Variants in KDM4B observed in about 807,000 individuals in gnomAD.
KDM4B encodes the protein lysine demethylase 4B, also known as lysine-specific demethylase 4B.
Under a neutral mutation model 125.2 loss-of-function variants are expected in KDM4B, and 32 were observed. That is an observed-to-expected ratio of 0.26 (90% CI 0.19 to 0.34). The LOEUF (loss-of-function observed/expected upper bound fraction) is 0.34, where lower values mean the gene tolerates loss of function less well. Ranked by LOEUF, KDM4B falls within the 10% of genes least tolerant of loss-of-function variation. KDM4B has a pLI of 1.00. For missense variants in KDM4B, 1,190 were observed against 1,577.7 expected (o/e 0.75, Z 4.16); for synonymous variants, 721 against 677.9 (o/e 1.06, Z -0.99).
chr19:5,041,200 C>G lies in KDM4B; in HGVS notation c.381C>G (p.Thr127=). The G allele has an allele frequency of 6.2e-7, 1 of 1,613,354 alleles. No individual in the cohort carries two copies. Among genetic ancestry groups the G allele is most frequent in the Non-Finnish European group, 8.5e-7 (1 of 1,179,460 alleles). The change falls in exon 5 of 23, where the codon ACC becomes ACG. Residue 127 remains threonine, a synonymous_variant. Transcript: ENST00000159111. Reference sequence around the variant, plus strand: ...AACGCAAATACTGGAAGAACCTCACCTTTGTCTCCCCGATCTACGGGGCTG... The same window carrying G: ...AACGCAAATACTGGAAGAACCTCACGTTTGTCTCCCCGATCTACGGGGCTG... ...DLERKYWKNL[T]FVSPIYGADI...
At chr19:5,036,869 G>T (rs1383660244) in intron 3 of KDM4B, among the ~76,000 whole-genome samples, 10 of 152,248 alleles carry the variant, frequency 6.6e-5, no homozygotes, top group African/African-American at 2.4e-4. Flanking sequence ...GAGCCTTCGG[G>T]TTTGAGCCCA....
rs530980376 is a variant in KDM4B at position 5,113,966 on chromosome 19, A to G, written c.1115+3148A>G. 10 of 1,235,582 alleles carry G rather than the reference A, an allele frequency of 8.1e-6. No homozygotes were observed. The East Asian group carries it at 1.7e-4, about 21-fold the overall frequency. The allele number at this position is 1,235,582 out of a possible 1,614,324, so 76.5% of individuals were successfully genotyped here. On this transcript the variant is annotated intron_variant, in intron 10 of 22. Coordinates refer to ENST00000159111, the MANE Select transcript of KDM4B (RefSeq NM_015015.3). ...GCCTACTCCCTGCTCGCCACCTTAC[A>G]TGGGTCTCTTCCAGAACTAAATCTC...
At chr19:5,066,882 G>T (rs1359277426) in intron 6 of KDM4B, among the ~76,000 whole-genome samples, 1 of 152,218 alleles carries the variant, frequency 6.6e-6, no homozygotes, top group Non-Finnish European at 1.5e-5. Flanking sequence ...TTGAGAACAC[G>T]GAGATGGAGA....
intron 9 of KDM4B, among the ~76,000 whole-genome samples, chr19:5,103,404 C>A (rs1023166827): frequency 6.6e-6 from 1 of 152,192 alleles, no homozygotes; most frequent in Non-Finnish European, 1.5e-5. Context: ...AACCAGCAGC[C>A]CCGCCCGCTT....
At chr19:5,030,879 A>G (rs1270464816) in intron 2 of KDM4B, among the ~76,000 whole-genome samples, 1 of 152,238 alleles carries the variant, frequency 6.6e-6, no homozygotes, top group East Asian at 1.9e-4. Context: ...TGGCAGATCC[A>G]GGGATGGCCT....
rs143420598 is a variant in KDM4B at position 5,099,889 on chromosome 19, T to C, written c.919-10733T>C. Among the ~76,000 whole-genome samples the C allele has an allele frequency of 6.5e-3, 996 of 152,182 alleles. 9 individuals are homozygous for C. Among genetic ancestry groups the C allele is most frequent in the South Asian group, 0.03 (144 of 4,826 alleles). On this transcript the variant is annotated intron_variant, in intron 9 of 22. Coordinates refer to ENST00000159111, the MANE Select transcript of KDM4B (RefSeq NM_015015.3). ...TTCCAGCCTCCAGAACCTTGAGAAA[T>C]AAGGAAAGGGCAGAATTTGAAAATG...
At chr19:5,040,196 G>A (rs2036762962) in intron 4 of KDM4B, among the ~76,000 whole-genome samples, 185 bp downstream of exon 4, 1 of 152,114 alleles carries the variant, frequency 6.6e-6, no homozygotes, top group South Asian at 2.1e-4. Flanking sequence ...CTCCCGGCCT[G>A]GGCTGACCCA....
intron 2 of KDM4B, among the ~76,000 whole-genome samples, chr19:5,032,000 A>G (rs960822528): frequency 1.3e-5 from 2 of 152,084 alleles, no homozygotes; most frequent in South Asian, 4.1e-4. Context: ...TCCTAGAGGG[A>G]TTCTGTCGTC....
chr19:5,082,493 G>T lies in KDM4B; in HGVS notation c.907G>T (p.Val303Leu), dbSNP rs549094770. 6.2e-7 allele frequency: 1 copy of T among 1,602,966 alleles called. No homozygotes were observed. Among genetic ancestry groups the T allele is most frequent in the African/African-American group, 1.3e-5 (1 of 74,894 alleles). ...ATLRWIDYGK[V>L]ATQCTCRKDM... The stretch of plus-strand genomic sequence containing the variant: ...CCTGCGGTGGATTGACTACGGCAAA[G>T]TGGCCACTCAGGTAAAAGCTTGCCT... The change falls in exon 9 of 23, where the codon GTG becomes TTG. Residue 303 changes from valine (V) to leucine (L), a missense_variant. This residue lies in a region of KDM4B where 75 missense variants were observed against 218.2 expected (regional missense o/e 0.34). Transcript: ENST00000159111. This position sits in a 1 kb window ranked among gnomAD's most constrained non-coding sequence, Gnocchi z 5.4.
intron 6 of KDM4B, among the ~76,000 whole-genome samples, chr19:5,057,065 T>TGTGTGCGTGTGC (rs55806859): frequency 7.8e-6 from 1 of 128,322 alleles, no homozygotes; most frequent in African/African-American, 3.2e-5. Context: ...TGTGTGTGTG[T>TGTGTGCGTGTGC]GCGCGCGCGC....
At chr19:5,021,326 T>C (rs1243623085) in intron 2 of KDM4B, among the ~76,000 whole-genome samples, 4 of 152,040 alleles carry the variant, frequency 2.6e-5, no homozygotes. Context: ...TGGCAGCTCA[T>C]GCCTGTAACC....
chr19:4,986,023 C>T (rs567632272), intron 1 of KDM4B, among the ~76,000 whole-genome samples: 1 of 152,344 alleles, frequency 6.6e-6, no homozygotes, highest in East Asian at 1.9e-4. Context: ...CTCTTTTAGC[C>T]TGAGCTGAAA....
intron 10 of KDM4B, among the ~76,000 whole-genome samples, chr19:5,111,171 A>G (rs1039430287): frequency 6.6e-6 from 1 of 152,186 alleles, no homozygotes; most frequent in Non-Finnish European, 1.5e-5. Flanking sequence ...CAGCAGAGCC[A>G]CCAGCCACAT....
Position 5,004,301 on chromosome 19 carries a change from G to A in KDM4B, c.-108-11956G>A, listed in dbSNP as rs1030832132. 4.6e-4 allele frequency among the ~76,000 whole-genome samples: 70 copies of A among 152,240 alleles called. 3 individuals carry two copies. The highest frequency in any genetic ancestry group is 2.3e-3 in the East Asian group (12 of 5,180). On this transcript the variant is annotated intron_variant, in intron 1 of 22. Transcript: ENST00000159111. Reference sequence around the variant, plus strand: ...GGCACTTTCCACCATTCGTGTGCTCGGCTCCCAGCTCTTGCCCTGCCACAG... The same window carrying A: ...GGCACTTTCCACCATTCGTGTGCTCAGCTCCCAGCTCTTGCCCTGCCACAG...
chr19:5,054,799 G>A (rs59036201), intron 6 of KDM4B, among the ~76,000 whole-genome samples: 1,797 of 152,308 alleles, frequency 0.012, 37 homozygotes, highest in African/African-American at 0.041. Context: ...GCTATGAATG[G>A]CAGCTGTGTT....
chr19:5,089,937 C>T lies in KDM4B; in HGVS notation c.918+7433C>T, dbSNP rs184282710. On this transcript the variant is annotated intron_variant, in intron 9 of 22. Transcript: ENST00000159111. ...CTCTAATCCCAGCATTTAGGGAGGC[C>T]GAGGTAGGGTTGCATGATTCCAGAG... Among the ~76,000 whole-genome samples, 206 of 152,156 alleles carry T rather than the reference C, an allele frequency of 1.4e-3. 1 individual carries two copies. Among genetic ancestry groups the T allele is most frequent in the African/African-American group, 4.6e-3 (189 of 41,490 alleles).
chr19:5,147,405 C>T (rs1173217882), intron 21 of KDM4B, among the ~76,000 whole-genome samples: 1 of 152,144 alleles, frequency 6.6e-6, no homozygotes, highest in African/African-American at 2.4e-5. Flanking sequence ...GGGCCAGCGT[C>T]AGGGGAGCTC....
chr19:4,970,290 T>C (rs1022043309), intron 1 of KDM4B, among the ~76,000 whole-genome samples: 2 of 152,236 alleles, frequency 1.3e-5, no homozygotes, highest in Non-Finnish European at 2.9e-5. Context: ...TCTGTTTTAA[T>C]AATTTACCAG....
At chr19:4,986,368 C>T (rs749934941) in intron 1 of KDM4B, among the ~76,000 whole-genome samples, 8 of 152,168 alleles carry the variant, frequency 5.3e-5, no homozygotes, top group Non-Finnish European at 7.4e-5. Context: ...GCGGAGTAAA[C>T]GGGTGATGGC....
Sources: allele counts gnomAD v4.1 joint callset (sites outside exome capture counted in the v4.1 genomes callset), GRCh38; gene constraint gnomAD v4.1.1; regional missense constraint gnomAD v4.1.1; non-coding constraint Gnocchi (gnomAD v3.1); transcripts MANE v1.5; gene names NCBI Gene and HGNC (gene_info 2026-07-23, HGNC 2026-07-21).